COL4A2: variants seen among roughly 807,000 people sequenced by gnomAD.
COL4A2 encodes the protein collagen type IV alpha 2 chain, also known as collagen alpha-2(IV) chain.
Under a neutral mutation model 200.2 loss-of-function variants are expected in COL4A2, and 99 were observed. The ratio of observed to expected loss-of-function variants is 0.49; its 90% CI spans 0.42 to 0.58. COL4A2 has a LOEUF of 0.58. COL4A2 is among the 20% of genes least tolerant of loss of function. The probability of loss-of-function intolerance (pLI) is 0.00; values close to 1 mark genes in which losing one functional copy is unlikely to be tolerated. For missense variants in COL4A2, 1,950 were observed against 2,314.1 expected (o/e 0.84, Z 3.23); for synonymous variants, 897 against 900.6 (o/e 1.00, Z 0.07).
rs1192357793 is a variant in COL4A2 at position 110,307,328 on chromosome 13, C to G, written c.-245C>G. The G allele has an allele frequency of 3.1e-6, 1 of 320,736 alleles. No individual in the cohort carries two copies. Among genetic ancestry groups the G allele is most frequent in the African/African-American group, 2.2e-5 (1 of 46,042 alleles). 19.9% of individuals were successfully genotyped at this position (320,736 alleles called of 1,614,324 possible). ...CGGGACACCAGGGCTCCGCGCTCCG[C>G]ACTCAAGAGGCTCCCGCGTCCCAAC... On this transcript the variant is annotated 5_prime_UTR_variant, in exon 1 of 48. Coordinates refer to ENST00000360467, the MANE Select transcript of COL4A2 (RefSeq NM_001846.4). The surrounding 1 kb of genome is among the most constrained non-coding windows in gnomAD (Gnocchi z 5.0).
At chr13:110,324,347 C>T (rs1186323068) in intron 3 of COL4A2, among the ~76,000 whole-genome samples, 1 of 152,260 alleles carries the variant, frequency 6.6e-6, no homozygotes, top group African/African-American at 2.4e-5. Flanking sequence ...CACTGGTGGG[C>T]GATAACTGGA....
chr13:110,480,456 A>C, intron 31 of COL4A2, 66 bp downstream of exon 31: 1 of 1,502,552 alleles, frequency 6.7e-7, no homozygotes, highest in Non-Finnish European at 8.9e-7. Context: ...CTCTGACCTG[A>C]GACAGCTCTG....
At chr13:110,369,616 G>A (rs1009062038) in intron 4 of COL4A2, among the ~76,000 whole-genome samples, 6 of 152,264 alleles carry the variant, frequency 3.9e-5, no homozygotes, top group South Asian at 2.1e-4. Context: ...CTCAACAGGT[G>A]GCACTATGGC....
chr13:110,357,367 A>G (rs1337773084), intron 3 of COL4A2, 105 bp from the exon 4 acceptor site: 8 of 1,463,138 alleles, frequency 5.5e-6, no homozygotes, highest in Non-Finnish European at 7.3e-6. Context: ...TTTTGAATGA[A>G]TCGTTTCTAG....
At chr13:110,397,138 T>C (rs2139427464) in intron 4 of COL4A2, among the ~76,000 whole-genome samples, 1 of 152,200 alleles carries the variant, frequency 6.6e-6, no homozygotes, top group East Asian at 1.9e-4. Flanking sequence ...TCGGAGAGTT[T>C]TTGGAAAACC....
At chr13:110,420,138 C>A (rs148901004) in intron 4 of COL4A2, among the ~76,000 whole-genome samples, 2 of 152,130 alleles carry the variant, frequency 1.3e-5, no homozygotes, top group African/African-American at 4.8e-5. Flanking sequence ...CGACACAGAC[C>A]TCCCTTGGAG....
chr13:110,391,115 GT>G (rs1186636424), intron 4 of COL4A2, among the ~76,000 whole-genome samples: 3 of 152,292 alleles, frequency 2.0e-5, no homozygotes, highest in Non-Finnish European at 2.9e-5. Flanking sequence ...TGGATTCTGT[GT>G]TTTGTTTGTT....
intron 34 of COL4A2, among the ~76,000 whole-genome samples, chr13:110,488,544 C>CT (rs773752169): frequency 1.3e-5 from 2 of 152,170 alleles, no homozygotes; most frequent in Non-Finnish European, 2.9e-5. Flanking sequence ...CTGGAGAAGT[C>CT]TCCCTCTGTG....
In COL4A2 at chr13:110,491,252, A is replaced by G; in HGVS notation, c.3366A>G (p.Gly1122=). 6.3e-7 allele frequency: 1 copy of G among 1,599,682 alleles called. No homozygotes were observed. The highest frequency in any genetic ancestry group is 8.5e-7 in the Non-Finnish European group (1 of 1,172,276). The change falls in exon 37 of 48, where the codon GGA becomes GGG. Residue 1122 remains glycine (G), a synonymous_variant. Transcript: ENST00000360467. ...TGIPGLKGFF[G]EKGTEGDIGF... The stretch of plus-strand genomic sequence containing the variant: ...TTGCAGGTCTGAAGGGATTCTTTGG[A>G]GAGAAGGGAACAGAAGGTGACATCG...
chr13:110,430,858 G>C, intron 10 of COL4A2: 2 of 707,196 alleles, frequency 2.8e-6, no homozygotes, highest in Admixed American at 3.5e-5. Flanking sequence ...ACTTGGTTCC[G>C]GCAGGGTGCC....
At chr13:110,503,318 G>C in intron 42 of COL4A2, 36 bp downstream of exon 42, 1 of 1,592,262 alleles carries the variant, frequency 6.3e-7, no homozygotes, top group Non-Finnish European at 8.5e-7. Flanking sequence ...AGCAGCCCTG[G>C]CCACAGTGAG....
intron 4 of COL4A2, among the ~76,000 whole-genome samples, chr13:110,421,820 G>A (rs543078688): frequency 6.6e-6 from 1 of 152,310 alleles, no homozygotes; most frequent in African/African-American, 2.4e-5. Flanking sequence ...AAGAAATAAA[G>A]ATGAGAAAGG....
At chr13:110,471,950 G>C (rs926879460) in intron 28 of COL4A2, among the ~76,000 whole-genome samples, 2 of 152,018 alleles carry the variant, frequency 1.3e-5, no homozygotes, top group African/African-American at 4.8e-5. Context: ...TGAGCACTGC[G>C]TGACTGTCAG....
chr13:110,463,736 A>G (rs1950014112), intron 24 of COL4A2, among the ~76,000 whole-genome samples: 1 of 152,108 alleles, frequency 6.6e-6, no homozygotes, highest in Non-Finnish European at 1.5e-5. Flanking sequence ...AGATCTCTCT[A>G]TGTTGCCCAT....
chr13:110,409,757 A>T (rs971008455), intron 4 of COL4A2, among the ~76,000 whole-genome samples: 1 of 152,212 alleles, frequency 6.6e-6, no homozygotes, highest in Non-Finnish European at 1.5e-5. Context: ...AGACTAAAGA[A>T]AGATCAGTTT....
At chr13:110,492,008 C>T (rs1450235845) in intron 37 of COL4A2, 62 bp from the exon 38 acceptor site, 1 of 1,444,310 alleles carries the variant, frequency 6.9e-7, no homozygotes, top group Admixed American at 2.3e-5. Flanking sequence ...CCTGCCAGGA[C>T]CTCACCACAC....
chr13:110,479,521 C>T (rs981082489), intron 30 of COL4A2, among the ~76,000 whole-genome samples: 2 of 152,240 alleles, frequency 1.3e-5, no homozygotes, highest in Non-Finnish European at 2.9e-5. Flanking sequence ...GGAAGAGAGC[C>T]TGATTTGAGG....
At chr13:110,485,606 CG>C in intron 33 of COL4A2, 48 bp from the exon 34 acceptor site, 1 of 1,444,894 alleles carries the variant, frequency 6.9e-7, no homozygotes, top group South Asian at 1.3e-5. Flanking sequence ...AACTGGAGGG[CG>C]GGTGCTGCGT....
intron 4 of COL4A2, among the ~76,000 whole-genome samples, chr13:110,369,276 C>A (rs7318424): frequency 1.3e-5 from 2 of 151,952 alleles, no homozygotes; most frequent in East Asian, 1.9e-4. Flanking sequence ...TTGACCATTC[C>A]TAATCCAAAA....
Sources: gnomAD v4.1 joint callset for allele counts (sites outside exome capture counted in the v4.1 genomes callset) on GRCh38, gnomAD v4.1.1 for gene constraint, Gnocchi (gnomAD v3.1) non-coding constraint, MANE v1.5 for transcripts, NCBI Gene and HGNC (gene_info 2026-07-23, HGNC 2026-07-21) for gene names.